PRX: variants seen among roughly 807,000 people sequenced by gnomAD.
PRX encodes periaxin.
In PRX, 24 loss-of-function variants were observed where a neutral mutation model predicts 29.6. The observed-to-expected ratio is 0.81, with a 90% CI of 0.59 to 1.14. The LOEUF (loss-of-function observed/expected upper bound fraction) is 1.14. Among genes scored for constraint, PRX ranks in the 50% most tolerant of loss-of-function variants. The pLI is 0.00. For missense variants in PRX, 1,838 were observed against 1,926.4 expected, an observed-to-expected ratio of 0.95 and a Z score of 0.86; for synonymous variants, 772 against 831.7, an observed-to-expected ratio of 0.93 and a Z score of 1.24.
At chr19:40,412,237 C>T (rs1211094476) in intron 1 of PRX, among the ~76,000 whole-genome samples, 1 of 152,144 alleles carries the variant, frequency 6.6e-6, no homozygotes, top group Non-Finnish European at 1.5e-5. Flanking sequence ...CTCATCCAGA[C>T]CTCTAAACAT....
intron 5 of PRX, among the ~76,000 whole-genome samples, chr19:40,399,892 TTTCTTTCTTTCTTTTTCTTTC>T (rs1348135765): frequency 8.8e-4 from 54 of 61,240 alleles, no homozygotes; most frequent in African/African-American, 4.2e-3. Context: ...TCTTTCTTTC[TTTCTTTCTTTCTTTTTCTTTC>T]TTTCTTTCTT....
chr19:40,397,892 C>A lies in PRX; in HGVS notation c.460G>T (p.Val154Phe). 6.2e-7 allele frequency: 1 copy of A among 1,612,028 alleles called. No homozygotes were observed. Among genetic ancestry groups the A allele is most frequent in the African/African-American group, 1.3e-5 (1 of 75,052 alleles). Reference sequence around the variant, plus strand: ...TTGGGAAAGGAGAACTCGACGTCAACAGGGGCCAGGTCAGCGGGGACCCCC... The same window carrying A: ...TTGGGAAAGGAGAACTCGACGTCAAAAGGGGCCAGGTCAGCGGGGACCCCC... ...ALGVPADLAP[V>F]DVEFSFPKFS... is the part of the protein sequence containing the mutation. Residue 154 changes from valine to phenylalanine, a missense_variant, in exon 7 of 7, where the codon GTT (valine) becomes TTT (phenylalanine). Val to Phe is a conservative substitution (Grantham distance 50). Transcript: ENST00000324001.
Position 40,407,913 on chromosome 19 carries a change from C to G in PRX, c.20G>C (p.Ser7Thr). ...GGACACGTGGGCACTCACCTCGGCA[C>G]TCCGGCTCCTGGCCTCCATGGCGTT... MEARSR[S>T]AEELRRAELV... Residue 7 changes from serine to threonine, a missense_variant, in exon 4 of 7, where the codon AGT becomes ACT. Physicochemically the swap from Ser to Thr is moderately conservative, Grantham distance 58. Transcript: ENST00000324001. The G allele has an allele frequency of 1.2e-6, 2 of 1,613,738 alleles. No individual in the cohort carries two copies. The highest frequency in any genetic ancestry group is 1.7e-6 in the Non-Finnish European group (2 of 1,180,038).
chr19:40,395,337 G>A lies in PRX; in HGVS notation c.3015C>T (p.Gly1005=). 6.2e-7 allele frequency: 1 copy of A among 1,613,648 alleles called. No individual in the cohort carries two copies. The highest frequency in any genetic ancestry group is 8.5e-7 in the Non-Finnish European group (1 of 1,180,010). The part of the protein sequence containing the change: ...QLSLDAHLPS[G]KVEVAGADLK... ...GGTCGGCCCCTGCCACCTCTACCTT[G>A]CCTGAGGGCAGGTGGGCATCCAGGC... Residue 1005 remains glycine (G), a synonymous_variant, in exon 7 of 7, where the codon GGC becomes GGT. Transcript: ENST00000324001.
intron 5 of PRX, among the ~76,000 whole-genome samples, chr19:40,400,041 G>A (rs12977716): frequency 0.18 from 27,450 of 149,010 alleles, 2,656 homozygotes; most frequent in Non-Finnish European, 0.21. Context: ...GGAGTGCAAT[G>A]GCGCGATCTT....
chr19:40,399,847 T>TTTCCTTCC (rs939534916), intron 5 of PRX, among the ~76,000 whole-genome samples: 34 of 137,442 alleles, frequency 2.5e-4, no homozygotes, highest in Non-Finnish European at 3.8e-4. Context: ...CCCAGCTTTC[T>TTTCCTTCC]TTCCTTTCTT....
Position 40,398,596 on chromosome 19 carries a change from C to T in PRX, c.381+24G>A, listed in dbSNP as rs901427172. ...CCGGATCGCTGGGGCAGTCCAGGGC[C>T]GGGGCCGGGCTAAGCACGCGTACCA... is the stretch of plus-strand genomic sequence containing the variant. On this transcript the variant is annotated intron_variant, in intron 6 of 6. Coordinates refer to ENST00000324001, the MANE Select transcript of PRX (RefSeq NM_181882.3). This position sits in a 1 kb window ranked among gnomAD's most constrained non-coding sequence, Gnocchi z 6.3. The T allele has an allele frequency of 3.1e-6, 5 of 1,611,316 alleles. No individual in the cohort carries two copies. Among genetic ancestry groups the T allele is most frequent in the East Asian group, 2.2e-5 (1 of 44,856 alleles).
At position 40,395,270 on chromosome 19, in the gene PRX, C is replaced by A; in HGVS notation, c.3082G>T (p.Val1028Phe). ...GPRFALPKFG[V>F]RGRDTEAAEL... ...GCTGCCTCAGTGTCCCGGCCTCTGA[C>A]CCCAAACTTGGGGAGAGCAAACCTG... Residue 1028 changes from valine (V) to phenylalanine (F), a missense_variant, in exon 7 of 7, where the codon GTC (valine) becomes TTC (phenylalanine). Val to Phe is a conservative substitution (Grantham distance 50). Around this residue, in one of 3 missense-constraint regions of PRX, gnomAD observed 1,143 missense variants for 1,193.0 expected, o/e 0.96. Coordinates refer to ENST00000324001, the MANE Select transcript of PRX (RefSeq NM_181882.3). 1 of 1,613,896 alleles carries A rather than the reference C, an allele frequency of 6.2e-7. No individual in the cohort carries two copies.
At position 40,396,823 on chromosome 19, in the gene PRX, A is replaced by G. The variant is rs780375180; in HGVS notation, c.1529T>C (p.Met510Thr). 5 of 1,613,046 alleles carry G rather than the reference A, an allele frequency of 3.1e-6. No individual in the cohort carries two copies. The highest frequency in any genetic ancestry group is 3.3e-5 in the Admixed American group (2 of 59,900). ...TGGAAGCCGCACCTCCGGCACAGCC[A>G]TCTCTGGCACCTTTGGGAGTTTCAT... ...SEMKLPKVPE[M>T]AVPEVRLPEV... The change falls in exon 7 of 7, where the codon ATG (methionine) becomes ACG (threonine). Residue 510 changes from methionine to threonine, a missense_variant. By Grantham distance (81) the Met-to-Thr change is moderately conservative. This residue lies in a region of PRX where 29 missense variants were observed against 68.4 expected (regional missense o/e 0.42). Transcript: ENST00000324001.
intron 4 of PRX, 127 bp downstream of exon 4, chr19:40,407,779 G>C: frequency 1.5e-6 from 2 of 1,350,560 alleles, no homozygotes; most frequent in South Asian, 2.4e-5. Flanking sequence ...AATAGACCCT[G>C]TTATTATTTC....
chr19:40,397,717 G>T lies in PRX; in HGVS notation c.635C>A (p.Pro212His). ...AQAARLAAAA[P>H]PPRKAKVEAE... The stretch of plus-strand genomic sequence containing the variant: ...CTCCACCTTGGCTTTCCTGGGGGGA[G>T]GAGCGGCGGCGGCCAGCCGGGCTGC... Residue 212 changes from proline (P) to histidine (H), a missense_variant, in exon 7 of 7, where the codon CCT becomes CAT. Around this residue, in one of 3 missense-constraint regions of PRX, gnomAD observed 666 missense variants for 665.0 expected, o/e 1.00. Coordinates refer to ENST00000324001, the MANE Select transcript of PRX (RefSeq NM_181882.3). The T allele has an allele frequency of 6.4e-7, 1 of 1,560,484 alleles. No homozygotes were observed. The highest frequency in any genetic ancestry group is 8.6e-7 in the Non-Finnish European group (1 of 1,156,762).
intron 5 of PRX, among the ~76,000 whole-genome samples, chr19:40,399,850 C>CCTTTCTTTCTTTCTTTCTTTCTTTCTTT (rs59315819): frequency 4.5e-4 from 54 of 119,736 alleles, no homozygotes; most frequent in East Asian, 2.4e-3. Context: ...AGCTTTCTTT[C>CCTTTCTTTCTTTCTTTCTTTCTTTCTTT]CTTTCTTTCT....
intron 5 of PRX, among the ~76,000 whole-genome samples, chr19:40,399,851 C>CTTTCTTTCTT (rs2079476214): frequency 7.9e-5 from 1 of 12,706 alleles, no homozygotes; most frequent in African/African-American, 2.4e-4. Flanking sequence ...GCTTTCTTTC[C>CTTTCTTTCTT]TTTCTTTCTT....
At chr19:40,406,771 CTT>C (rs59493934) in intron 4 of PRX, among the ~76,000 whole-genome samples, 52 of 121,346 alleles carry the variant, frequency 4.3e-4, no homozygotes, top group African/African-American at 6.4e-4. Context: ...ACCTCCATTT[CTT>C]TTTTTTTTTT....
At chr19:40,403,192 T>A (rs2079508441) in intron 5 of PRX, among the ~76,000 whole-genome samples, 1 of 152,032 alleles carries the variant, frequency 6.6e-6, no homozygotes, top group South Asian at 2.1e-4. Flanking sequence ...ATAAATAAAG[T>A]CTGAAATAGA....
Position 40,398,367 on chromosome 19 carries a change from AC to A in PRX, c.381+252del. 1 of 1,435,238 alleles carries A rather than the reference AC, an allele frequency of 7.0e-7. No homozygotes were observed. The highest frequency in any genetic ancestry group is 9.1e-7 in the Non-Finnish European group (1 of 1,099,812). 88.9% of individuals were successfully genotyped at this position (1,435,238 alleles called of 1,614,324 possible). ...CTGGTTCGAAGTAGCCTGGTTCAGG[AC>A]CCCTAGCAAGCCTGGATCCGATGGT... On this transcript the variant is annotated intron_variant, in intron 6 of 6. Transcript: ENST00000324001. The surrounding 1 kb of genome is among the most constrained non-coding windows in gnomAD (Gnocchi z 6.3).
Position 40,395,917 on chromosome 19 carries a change from G to A in PRX, c.2435C>T (p.Ala812Val). Residue 812 changes from alanine (A) to valine (V), a missense_variant, in exon 7 of 7, where the codon GCA becomes GTA. This residue lies in a region of PRX where 1,143 missense variants were observed against 1,193.0 expected (regional missense o/e 0.96). Transcript: ENST00000324001. ...PKMTMPKLGR[A>V]ESPSRGKPGE... The stretch of plus-strand genomic sequence containing the variant: ...TGGCTTGCCACGTGATGGGGACTCT[G>A]CCCTCCCTAGCTTGGGCATGGTCAT... 5 of 1,614,180 alleles carry A rather than the reference G, an allele frequency of 3.1e-6. No individual in the cohort carries two copies. Among genetic ancestry groups the A allele is most frequent in the Non-Finnish European group, 4.2e-6 (5 of 1,180,044 alleles).
Position 40,397,320 on chromosome 19 carries a change from C to G in PRX, c.1032G>C (p.Val344=). The G allele has an allele frequency of 2.5e-6, 4 of 1,613,254 alleles. No homozygotes were observed. Among genetic ancestry groups the G allele is most frequent in the Middle Eastern group, 1.6e-4 (1 of 6,062 alleles). Residue 344 remains valine, a synonymous_variant, in exon 7 of 7, where the codon GTG becomes GTC. Coordinates refer to ENST00000324001, the MANE Select transcript of PRX (RefSeq NM_181882.3). ...CCTCAGGTGCCTCTCCCCGGGCCTC[C>G]ACCTCTGCACCCGGCAAGGCCAGGT... ...GVDLALPGAE[V]EARGEAPEVA...
At chr19:40,400,946 C>T (rs746272770) in intron 5 of PRX, among the ~76,000 whole-genome samples, 8 of 152,158 alleles carry the variant, frequency 5.3e-5, no homozygotes, top group Non-Finnish European at 1.2e-4. Flanking sequence ...CCAACATCTC[C>T]ATCATATCTC....
Sources: gnomAD v4.1 joint callset for allele counts (sites outside exome capture counted in the v4.1 genomes callset) on GRCh38, gnomAD v4.1.1 for gene constraint, gnomAD v4.1.1 regional missense constraint, Gnocchi (gnomAD v3.1) non-coding constraint, MANE v1.5 for transcripts, NCBI Gene and HGNC (gene_info 2026-07-23, HGNC 2026-07-21) for gene names.